The following ZFPM2 variants were observed in gnomAD, a reference collection of about 807,000 sequenced individuals.
The protein encoded by ZFPM2 is zinc finger protein, FOG family member 2, also known as zinc finger protein ZFPM2.
ZFPM2 carries 20 observed loss-of-function variants against 98.6 expected under a neutral mutation model. The observed-to-expected ratio is 0.20, with a 90% CI of 0.14 to 0.29. The LOEUF (loss-of-function observed/expected upper bound fraction) is 0.29, where lower values mean the gene tolerates loss of function less well. Among genes scored for constraint, ZFPM2 ranks in the 10% least tolerant of loss-of-function variants. The pLI is 1.00. For missense variants in ZFPM2, 1,310 were observed against 1,388.6 expected (o/e 0.94, Z 0.90); for synonymous variants, 518 against 502.7 (o/e 1.03, Z -0.41).
intron 1 of ZFPM2, among the ~76,000 whole-genome samples, chr8:105,329,679 T>TTA (rs1812176364): frequency 6.6e-6 from 1 of 151,762 alleles, no homozygotes; most frequent in African/African-American, 2.4e-5. Flanking sequence ...AATCTAGAGT[T>TTA]ATCAGTCCAG....
intron 3 of ZFPM2, among the ~76,000 whole-genome samples, chr8:105,527,627 C>T (rs1433381714): frequency 2.6e-5 from 4 of 152,154 alleles, no homozygotes; most frequent in Non-Finnish European, 5.9e-5. Flanking sequence ...TAAGGTGTTA[C>T]AGGCTTGTAA....
intron 5 of ZFPM2, chr8:105,690,930 C>G (rs1213372909): frequency 6.6e-6 from 1 of 152,122 alleles, no homozygotes; most frequent in Non-Finnish European, 1.5e-5. Context: ...ATTTCACATG[C>G]AGAAGGTAAG....
At chr8:105,456,433 ATAAAT>A (rs1434802716) in intron 3 of ZFPM2, among the ~76,000 whole-genome samples, 1 of 152,052 alleles carries the variant, frequency 6.6e-6, no homozygotes, top group Non-Finnish European at 1.5e-5. Flanking sequence ...AATATGTAAA[ATAAAT>A]TTTCTTGGTA....
intron 4 of ZFPM2, among the ~76,000 whole-genome samples, chr8:105,575,048 T>G (rs1435123048): frequency 1.3e-5 from 2 of 152,126 alleles, no homozygotes; most frequent in African/African-American, 4.8e-5. Flanking sequence ...AGTGTTATTC[T>G]TGGTGCATTT....
At chr8:105,518,700 G>T (rs1813988646) in intron 3 of ZFPM2, among the ~76,000 whole-genome samples, 1 of 152,160 alleles carries the variant, frequency 6.6e-6, no homozygotes, top group Non-Finnish European at 1.5e-5. Flanking sequence ...ATGAAAGCCT[G>T]GTTGAAGAGT....
intron 4 of ZFPM2, among the ~76,000 whole-genome samples, chr8:105,604,256 C>T (rs1170687041): frequency 6.6e-6 from 1 of 152,028 alleles, no homozygotes; most frequent in Non-Finnish European, 1.5e-5. Context: ...GACTCTATCC[C>T]CAGCAAGTCA....
At chr8:105,442,705 C>A (rs6987860) in intron 2 of ZFPM2, among the ~76,000 whole-genome samples, 1 of 152,004 alleles carries the variant, frequency 6.6e-6, no homozygotes, top group Non-Finnish European at 1.5e-5. Context: ...TGGGTTTCTA[C>A]ATTCCTACTC....
intron 4 of ZFPM2, among the ~76,000 whole-genome samples, chr8:105,571,256 C>T (rs957216164): frequency 6.6e-5 from 10 of 152,122 alleles, no homozygotes; most frequent in East Asian, 1.9e-4. Context: ...GTCATTTCTT[C>T]GTATTTGCCA....
At chr8:105,426,228 T>C (rs1811907789) in intron 2 of ZFPM2, among the ~76,000 whole-genome samples, 1 of 152,184 alleles carries the variant, frequency 6.6e-6, no homozygotes, top group Non-Finnish European at 1.5e-5. Context: ...GCATATAACA[T>C]TGACATTTCC....
intron 4 of ZFPM2, among the ~76,000 whole-genome samples, chr8:105,600,644 T>G (rs183325139): frequency 7.8e-4 from 118 of 152,208 alleles, no homozygotes; most frequent in Admixed American, 2.0e-3. Context: ...GCTGCTCATT[T>G]TTTATTTTTT....
At chr8:105,661,932 C>T (rs922577139) in intron 5 of ZFPM2, among the ~76,000 whole-genome samples, 3 of 151,918 alleles carry the variant, frequency 2.0e-5, no homozygotes, top group African/African-American at 7.3e-5. Context: ...TTTAATCTTC[C>T]ACTCCGGAGA....
intron 1 of ZFPM2, among the ~76,000 whole-genome samples, chr8:105,379,750 T>C (rs1810805613): frequency 3.1e-5 from 3 of 95,716 alleles, no homozygotes; most frequent in East Asian, 4.7e-4. Context: ...TGAAACTCTG[T>C]CTCAAAAAAA....
At chr8:105,342,360 ATTAG>A (rs1812446260) in intron 1 of ZFPM2, among the ~76,000 whole-genome samples, 1 of 152,078 alleles carries the variant, frequency 6.6e-6, no homozygotes, top group South Asian at 2.1e-4. Flanking sequence ...TTACCTAAGA[ATTAG>A]TTAGCACAGT....
intron 4 of ZFPM2, among the ~76,000 whole-genome samples, chr8:105,570,981 T>G (rs2130720223): frequency 6.6e-6 from 1 of 152,316 alleles, no homozygotes; most frequent in Non-Finnish European, 1.5e-5. Context: ...TCTTTTCAGT[T>G]ATTAGGACGA....
chr8:105,344,598 C>G (rs1468718765), intron 1 of ZFPM2, among the ~76,000 whole-genome samples: 1 of 151,802 alleles, frequency 6.6e-6, no homozygotes, highest in East Asian at 1.9e-4. Context: ...ATAGAGGGTC[C>G]CTAGTTGTAT....
chr8:105,688,759 A>T (rs1810805957), intron 5 of ZFPM2, among the ~76,000 whole-genome samples: 1 of 152,174 alleles, frequency 6.6e-6, no homozygotes, highest in South Asian at 2.1e-4. Flanking sequence ...TTCAAGGCTC[A>T]GACAATAAGT....
chr8:105,487,697 T>A (rs1361419713), intron 3 of ZFPM2, among the ~76,000 whole-genome samples: 1 of 151,806 alleles, frequency 6.6e-6, no homozygotes, highest in African/African-American at 2.4e-5. Context: ...ATCTGGCACA[T>A]AATAGGAATT....
rs1302644253 is a variant in ZFPM2 at position 105,802,974 on chromosome 8, A to G, written c.2892A>G (p.Pro964=). The change falls in exon 8 of 8, where the codon CCA becomes CCG. Residue 964 remains proline, a synonymous_variant. Transcript: ENST00000407775. ...AAGAAAACAGACATTTGTTTCTTCC[A>G]CAATGCCTTTACCCTGGAGCAATAA... ...TKEENRHLFL[P]QCLYPGAIKK... The G allele has an allele frequency of 1.2e-6, 2 of 1,612,732 alleles. No homozygotes were observed. Among genetic ancestry groups the G allele is most frequent in the African/African-American group, 1.3e-5 (1 of 74,890 alleles).
At chr8:105,576,747 A>G (rs1815476710) in intron 4 of ZFPM2, among the ~76,000 whole-genome samples, 1 of 152,062 alleles carries the variant, frequency 6.6e-6, no homozygotes, top group Non-Finnish European at 1.5e-5. Flanking sequence ...ATGGTCATTT[A>G]TTTTCACTTG....
Sources: gnomAD v4.1 joint callset for allele counts (sites outside exome capture counted in the v4.1 genomes callset) on GRCh38, gnomAD v4.1.1 for gene constraint, MANE v1.5 for transcripts, NCBI Gene and HGNC (gene_info 2026-07-23, HGNC 2026-07-21) for gene names.